The following MYL12A variants were observed in gnomAD, a reference collection of about 807,000 sequenced individuals.
The protein encoded by MYL12A is myosin light chain 12A, also known as myosin regulatory light chain 12A.
In MYL12A, 11 loss-of-function variants were observed where a neutral mutation model predicts 13.3. That is an observed-to-expected ratio of 0.83 (90% CI 0.52 to 1.37). MYL12A has a LOEUF of 1.37. Among genes scored for constraint, MYL12A ranks in the 40% most tolerant of loss-of-function variants. The pLI, the probability that MYL12A is intolerant of heterozygous loss-of-function variation, is 0.00. For synonymous variants in MYL12A, 51 were observed against 69.9 expected, an observed-to-expected ratio of 0.73 and a Z score of 1.35; for missense variants, 146 against 212.3, an observed-to-expected ratio of 0.69 and a Z score of 1.94.
chr18:3,254,082 G>A, intron 3 of MYL12A, 32 bp downstream of exon 3: 1 of 1,596,480 alleles, frequency 6.3e-7, no homozygotes, highest in Non-Finnish European at 8.5e-7. Context: ...ATTATAAAGT[G>A]ATTTAATTTT....
Position 3,253,413 on chromosome 18 carries a change from A to G in MYL12A, c.166A>G (p.Met56Val). 1 of 1,613,568 alleles carries G rather than the reference A, an allele frequency of 6.2e-7. No individual in the cohort carries two copies. The highest frequency in any genetic ancestry group is 8.5e-7 in the Non-Finnish European group (1 of 1,179,642). The stretch of plus-strand genomic sequence containing the variant: ...CATCGACAAGGAAGATTTGCATGAT[A>G]TGCTTGCTTCATTGGGTAATGCTCA... ...GFIDKEDLHDMLASLGKNPTD... is the reference protein window; with the variant it reads ...GFIDKEDLHDVLASLGKNPTD... Residue 56 changes from methionine to valine, a missense_variant, in exon 2 of 4, where the codon ATG becomes GTG. Met to Val is a conservative substitution (Grantham distance 21). Coordinates refer to ENST00000217652, the MANE Select transcript of MYL12A (RefSeq NM_006471.4).
At chr18:3,251,346 T>C (rs2081483787) in intron 1 of MYL12A, among the ~76,000 whole-genome samples, 1 of 152,164 alleles carries the variant, frequency 6.6e-6, no homozygotes, top group African/African-American at 2.4e-5. Flanking sequence ...GATTAAAAAA[T>C]CAGATGTGTC....
At chr18:3,252,621 G>A (rs2081497171) in intron 1 of MYL12A, 1 of 468,570 alleles carries the variant, frequency 2.1e-6, no homozygotes, top group Non-Finnish European at 3.3e-6. Context: ...GCAAGAAACT[G>A]GTTTGGATAG....
Position 3,253,234 on chromosome 18 carries a change from A to C in MYL12A, c.-14A>C, listed in dbSNP as rs1418882490. On this transcript the variant is annotated splice_region_variant and 5_prime_UTR_variant, in exon 2 of 4. Coordinates refer to ENST00000217652, the MANE Select transcript of MYL12A (RefSeq NM_006471.4). Reference sequence around the variant, plus strand: ...TATTGTATTTCCTTTCCTAATTAGGACTTAACCACCACCATGTCGAGCAAA... The same window carrying C: ...TATTGTATTTCCTTTCCTAATTAGGCCTTAACCACCACCATGTCGAGCAAA... 1.2e-6 allele frequency: 2 copies of C among 1,607,648 alleles called. No homozygotes were observed. Among genetic ancestry groups the C allele is most frequent in the Non-Finnish European group, 1.7e-6 (2 of 1,176,278 alleles).
At chr18:3,252,296 C>A in intron 1 of MYL12A, 2 of 1,530,616 alleles carry the variant, frequency 1.3e-6, no homozygotes, top group Non-Finnish European at 1.7e-6. Flanking sequence ...GTTTTGCAGA[C>A]TACCATCTTC....
At chr18:3,253,759 A>C (rs1328061742) in intron 2 of MYL12A, 130 bp from the exon 3 acceptor site, 70 of 1,042,574 alleles carry the variant, frequency 6.7e-5, no homozygotes. Context: ...CCCCCCAAAT[A>C]GTTTCACTCT....
intron 1 of MYL12A, chr18:3,252,469 C>T (rs559441934): frequency 1.2e-5 from 15 of 1,269,906 alleles, no homozygotes; most frequent in Admixed American, 6.2e-5. Context: ...TAAATTTTAC[C>T]GGGATAAATT....
chr18:3,253,903 G>C lies in MYL12A; in HGVS notation c.196G>C (p.Asp66His). 4 of 1,604,198 alleles carry C rather than the reference G, an allele frequency of 2.5e-6. No homozygotes were observed. Among genetic ancestry groups the C allele is most frequent in the Non-Finnish European group, 3.4e-6 (4 of 1,177,770 alleles). ...MLASLGKNPT[D>H]EYLDAMMNEA... ...TAAAAATTTAGGGAAGAATCCAACT[G>C]ATGAGTATCTAGATGCCATGATGAA... is the stretch of plus-strand genomic sequence containing the variant. Residue 66 changes from aspartate (D) to histidine (H), a missense_variant, in exon 3 of 4, where the codon GAT becomes CAT. Coordinates refer to ENST00000217652, the MANE Select transcript of MYL12A (RefSeq NM_006471.4).
At chr18:3,253,753 C>T (rs1170233698) in intron 2 of MYL12A, 136 bp from the exon 3 acceptor site, 3 of 1,017,506 alleles carry the variant, frequency 2.9e-6, no homozygotes, top group African/African-American at 1.6e-5. Flanking sequence ...AACTTTCCCC[C>T]CAAATAGTTT....
chr18:3,255,991 T>A lies in MYL12A; in HGVS notation c.*73T>A. 1.3e-6 allele frequency: 2 copies of A among 1,542,282 alleles called. No homozygotes were observed. The highest frequency in any genetic ancestry group is 1.8e-6 in the Non-Finnish European group (2 of 1,136,950). ...TTCTGAGATTTTCTCTTGCATGCCC[T>A]TAGCTTTACAGCTTTTGCATTTCCT... On this transcript the variant is annotated 3_prime_UTR_variant, in exon 4 of 4. Transcript: ENST00000217652.
At chr18:3,253,596 T>A in intron 2 of MYL12A, 168 bp downstream of exon 2, 1 of 880,948 alleles carries the variant, frequency 1.1e-6, no homozygotes, top group South Asian at 1.9e-5. Context: ...TTCGTGACCC[T>A]GTCTTAGGAT....
At chr18:3,254,503 G>A (rs1018843020) in intron 3 of MYL12A, among the ~76,000 whole-genome samples, 5 of 152,204 alleles carry the variant, frequency 3.3e-5, no homozygotes, top group African/African-American at 1.2e-4. Flanking sequence ...TCTGGAATTA[G>A]ACTATCTGGC....
chr18:3,250,178 C>T (rs2081470920), intron 1 of MYL12A, among the ~76,000 whole-genome samples: 2 of 152,108 alleles, frequency 1.3e-5, no homozygotes, highest in South Asian at 4.1e-4. Flanking sequence ...ACATATGTAA[C>T]CTGCACGTTG....
rs577032860 is a variant in MYL12A, at chr18:3,256,197, C to T, written c.*279C>T. On this transcript the variant is annotated 3_prime_UTR_variant, in exon 4 of 4. Transcript: ENST00000217652. The stretch of plus-strand genomic sequence containing the variant: ...ATTTTTTCAGAGAAAGTTATTCGCT[C>T]GATTTTTTCTGAATCATAATTAAAC... The T allele has an allele frequency of 1.1e-4, 34 of 307,312 alleles. No homozygotes were observed. The highest frequency in any genetic ancestry group is 1.6e-4 in the Non-Finnish European group (27 of 169,076). 19.0% of individuals were successfully genotyped at this position (307,312 alleles called of 1,614,324 possible). A position where few individuals can be genotyped will look rare whatever the true frequency, so the allele number is the denominator to read the frequency against.
intron 3 of MYL12A, among the ~76,000 whole-genome samples, chr18:3,254,318 G>A (rs1159613477): frequency 6.6e-6 from 1 of 152,162 alleles, no homozygotes; most frequent in Non-Finnish European, 1.5e-5. Context: ...TAGGCTCTCA[G>A]AAAATATGTA....
In MYL12A at chr18:3,254,060, A is replaced by T. The variant is rs117352171; in HGVS notation, c.343+10A>T. On this transcript the variant is annotated intron_variant, in intron 3 of 3. Coordinates refer to ENST00000217652, the MANE Select transcript of MYL12A (RefSeq NM_006471.4). ...GATGAAGAAGCAACTGGTAAGTGAG[A>T]GGTAACCTTTAATTATAAAGTGATT... The T allele has an allele frequency of 0.029, 47,259 of 1,607,818 alleles. 816 individuals are homozygous for T. The highest frequency in any genetic ancestry group is 0.035 in the Non-Finnish European group (41,143 of 1,178,222).
intron 2 of MYL12A, 73 bp downstream of exon 2, chr18:3,253,501 T>A: frequency 6.5e-7 from 1 of 1,540,708 alleles, no homozygotes; most frequent in Non-Finnish European, 8.9e-7. Flanking sequence ...TTCATGAGTC[T>A]TAAAGCTCTG....
In MYL12A at chr18:3,256,162, G is replaced by C. The variant is rs1041031627; in HGVS notation, c.*244G>C. ...TCCCCCAATAACTGTGGTCTATACA[G>C]AGTCAATATATTTTTTCAGAGAAAG... On this transcript the variant is annotated 3_prime_UTR_variant, in exon 4 of 4. Coordinates refer to ENST00000217652, the MANE Select transcript of MYL12A (RefSeq NM_006471.4). 4 of 420,044 alleles carry C rather than the reference G, an allele frequency of 9.5e-6. No individual in the cohort carries two copies. Among genetic ancestry groups the C allele is most frequent in the Non-Finnish European group, 1.7e-5 (4 of 240,616 alleles). The allele number at this position is 420,044 out of a possible 1,614,324, so 26.0% of individuals were successfully genotyped here.
At chr18:3,253,455 A>G (rs1567984316) in intron 2 of MYL12A, 27 bp downstream of exon 2, 6 of 1,601,978 alleles carry the variant, frequency 3.7e-6, no homozygotes, top group South Asian at 2.2e-5. Context: ...ATATTAATCT[A>G]TTGGATAGAA....
Sources: allele counts gnomAD v4.1 joint callset (sites outside exome capture counted in the v4.1 genomes callset), GRCh38; gene constraint gnomAD v4.1.1; transcripts MANE v1.5; gene names NCBI Gene and HGNC (gene_info 2026-07-23, HGNC 2026-07-21).